Variants in CDH8 observed in about 807,000 individuals in gnomAD.
CDH8 encodes the protein cadherin 8.
CDH8 carries 17 observed loss-of-function variants against 68.1 expected under a neutral mutation model. The observed-to-expected ratio is 0.25, with a 90% CI of 0.17 to 0.37. CDH8 has a LOEUF of 0.37. CDH8 is among the 10% of genes least tolerant of loss of function. The pLI is 1.00. For missense variants in CDH8, 763 were observed against 999.3 expected, an observed-to-expected ratio of 0.76 and a Z score of 3.19; for synonymous variants, 372 against 365.1, an observed-to-expected ratio of 1.02 and a Z score of -0.21.
chr16:61,724,711 G>T (rs1398374007), intron 9 of CDH8, among the ~76,000 whole-genome samples: 2 of 150,648 alleles, frequency 1.3e-5, no homozygotes, highest in African/African-American at 4.9e-5. Context: ...TCGGTTTTTT[G>T]ACATTTATTT....
At position 61,864,478 on chromosome 16, in the gene CDH8, C is replaced by T. The variant is rs1410803534; in HGVS notation, c.548-7240G>A. On this transcript the variant is annotated intron_variant, in intron 3 of 11. Transcript: ENST00000577390. Reference sequence around the variant, plus strand: ...CCCATGCATTCATTTTTCTTTGCATCTCTCTGACTGATACCATAGTCTTCA... The same window carrying T: ...CCCATGCATTCATTTTTCTTTGCATTTCTCTGACTGATACCATAGTCTTCA... Among the ~76,000 whole-genome samples, 8 of 152,268 alleles carry T rather than the reference C, an allele frequency of 5.3e-5. No individual in the cohort carries two copies. The East Asian group carries it at 1.5e-3, about 29-fold the overall frequency.
intron 7 of CDH8, among the ~76,000 whole-genome samples, chr16:61,812,313 GA>G (rs989006843): frequency 1.3e-5 from 2 of 150,738 alleles, no homozygotes; most frequent in East Asian, 1.9e-4. Flanking sequence ...ATACCAGTAG[GA>G]AAAAAAAATG....
intron 9 of CDH8, chr16:61,725,033 G>C (rs1959309141): frequency 6.6e-6 from 1 of 150,724 alleles, no homozygotes; most frequent in African/African-American, 2.4e-5. Context: ...CAAAAATGTT[G>C]TTAAGTCATC....
chr16:61,871,270 T>C (rs934971248), intron 3 of CDH8, among the ~76,000 whole-genome samples: 1 of 151,582 alleles, frequency 6.6e-6, no homozygotes, highest in Non-Finnish European at 1.5e-5. Flanking sequence ...AGCCTCGACC[T>C]CCCAGGCTCA....
intron 8 of CDH8, among the ~76,000 whole-genome samples, chr16:61,767,122 G>A (rs1442246307): frequency 6.6e-6 from 1 of 151,882 alleles, no homozygotes; most frequent in Non-Finnish European, 1.5e-5. Context: ...CTACCAAAAT[G>A]ATTTCCGCAT....
At position 61,649,418 on chromosome 16, in the gene CDH8, TTA is replaced by T. The variant is rs1197374720; in HGVS notation, c.*4188_*4189del. On this transcript the variant is annotated 3_prime_UTR_variant, in exon 12 of 12. Coordinates refer to ENST00000577390, the MANE Select transcript of CDH8 (RefSeq NM_001796.5). The stretch of plus-strand genomic sequence containing the variant: ...CTGAATTGTGTATATATGTGCATAT[TTA>T]TATATATGAATATATTTATAAATAT... The T allele has an allele frequency of 6.7e-6, 1 of 149,512 alleles. No individual in the cohort carries two copies. Among genetic ancestry groups the T allele is most frequent in the Admixed American group, 6.7e-5 (1 of 15,020 alleles). 9.3% of individuals were successfully genotyped at this position (149,512 alleles called of 1,614,324 possible).
At chr16:61,961,372 G>A (rs1467869750) in intron 2 of CDH8, among the ~76,000 whole-genome samples, 1 of 151,882 alleles carries the variant, frequency 6.6e-6, no homozygotes, top group East Asian at 1.9e-4. Context: ...ATCTCCAGCA[G>A]CAGCGAATCC....
intron 2 of CDH8, among the ~76,000 whole-genome samples, chr16:61,921,235 C>T (rs1964361190): frequency 6.7e-6 from 1 of 148,348 alleles, no homozygotes; most frequent in Admixed American, 6.8e-5. Flanking sequence ...GCACATGTAC[C>T]TTAAAACTTA....
intron 2 of CDH8, among the ~76,000 whole-genome samples, chr16:62,008,486 C>T (rs1341587649): frequency 1.3e-5 from 2 of 151,786 alleles, no homozygotes; most frequent in Non-Finnish European, 2.9e-5. Flanking sequence ...ACTATAGGAA[C>T]ATTTAAATGC....
chr16:61,707,028 T>C (rs899902810), intron 10 of CDH8, among the ~76,000 whole-genome samples: 1 of 152,214 alleles, frequency 6.6e-6, no homozygotes, highest in Non-Finnish European at 1.5e-5. Context: ...TACTTCTCTT[T>C]CTCTTTCCTC....
intron 8 of CDH8, among the ~76,000 whole-genome samples, chr16:61,760,752 T>A (rs767122633): frequency 1.2e-4 from 18 of 152,320 alleles, no homozygotes; most frequent in Non-Finnish European, 2.5e-4. Context: ...ATGTATAGTG[T>A]AAACATAATT....
At chr16:61,810,043 C>T (rs1567480539) in intron 7 of CDH8, among the ~76,000 whole-genome samples, 1 of 152,116 alleles carries the variant, frequency 6.6e-6, no homozygotes, top group Non-Finnish European at 1.5e-5. Flanking sequence ...TTTTGGTAAA[C>T]ACTGGTTTGA....
chr16:61,703,650 C>T (rs1964475682), intron 10 of CDH8, among the ~76,000 whole-genome samples: 3 of 152,046 alleles, frequency 2.0e-5, no homozygotes, highest in Non-Finnish European at 4.4e-5. Flanking sequence ...ACCATCCTGG[C>T]GAACACAGTG....
chr16:61,959,898 A>AAT (rs1221783150), intron 2 of CDH8, among the ~76,000 whole-genome samples: 4 of 137,336 alleles, frequency 2.9e-5, no homozygotes, highest in African/African-American at 5.4e-5. Flanking sequence ...TTTATATGTA[A>AAT]ATATATATAC....
intron 4 of CDH8, among the ~76,000 whole-genome samples, chr16:61,840,865 G>A (rs1191369276): frequency 6.6e-6 from 1 of 151,828 alleles, no homozygotes; most frequent in Non-Finnish European, 1.5e-5. Context: ...AACCACCATG[G>A]CACACATTTA....
At chr16:61,977,713 C>T (rs749287035) in intron 2 of CDH8, among the ~76,000 whole-genome samples, 10 of 152,134 alleles carry the variant, frequency 6.6e-5, no homozygotes, top group Non-Finnish European at 1.2e-4. Flanking sequence ...TTTAAGATCA[C>T]GCCTGCCCAT....
At chr16:61,925,586 C>T (rs1432385573) in intron 2 of CDH8, among the ~76,000 whole-genome samples, 2 of 152,054 alleles carry the variant, frequency 1.3e-5, no homozygotes, top group African/African-American at 2.4e-5. Context: ...CTCCATTAGG[C>T]CTCATTAGGA....
intron 8 of CDH8, among the ~76,000 whole-genome samples, chr16:61,731,889 A>G (rs1367554567): frequency 1.3e-5 from 2 of 151,766 alleles, no homozygotes; most frequent in Non-Finnish European, 2.9e-5. Context: ...CCATAACAAC[A>G]TAACATCAAG....
At chr16:61,678,116 G>A (rs1963948065) in intron 10 of CDH8, among the ~76,000 whole-genome samples, 1 of 151,790 alleles carries the variant, frequency 6.6e-6, no homozygotes, top group African/African-American at 2.4e-5. Flanking sequence ...CTATAACCTG[G>A]AATCTCCCAC....
Sources: gnomAD v4.1 joint callset for allele counts (sites outside exome capture counted in the v4.1 genomes callset) on GRCh38, gnomAD v4.1.1 for gene constraint, MANE v1.5 for transcripts, NCBI Gene and HGNC (gene_info 2026-07-23, HGNC 2026-07-21) for gene names.